The following TSHR variants were observed in gnomAD, a reference collection of about 807,000 sequenced individuals.
TSHR encodes the protein thyrotropin receptor.
Under a neutral mutation model 64.1 loss-of-function variants are expected in TSHR, and 51 were observed. The observed-to-expected ratio is 0.80, with a 90% CI of 0.64 to 1.01. TSHR has a LOEUF of 1.01. TSHR is among the 50% of genes least tolerant of loss of function. The pLI, the probability that TSHR is intolerant of heterozygous loss-of-function variation, is 0.00. For synonymous variants in TSHR, 361 were observed against 361.9 expected, an observed-to-expected ratio of 1.00 and a Z score of 0.03; for missense variants, 877 against 942.8, an observed-to-expected ratio of 0.93 and a Z score of 0.91.
At chr14:80,955,973 A>T in intron 1 of TSHR, 123 bp downstream of exon 1, 2 of 1,196,340 alleles carry the variant, frequency 1.7e-6, no homozygotes, top group Non-Finnish European at 2.4e-6. Flanking sequence ...TGTATGTGTG[A>T]GTGAATGTCT....
chr14:81,114,972 G>C (rs1890427249), intron 8 of TSHR, among the ~76,000 whole-genome samples: 6 of 151,808 alleles, frequency 4.0e-5, no homozygotes, highest in Admixed American at 3.3e-4. Flanking sequence ...TGAGGGTCCT[G>C]TCTGTTAGAA....
intron 1 of TSHR, among the ~76,000 whole-genome samples, chr14:81,061,054 G>A (rs558270241): frequency 6.6e-6 from 1 of 152,232 alleles, no homozygotes; most frequent in East Asian, 1.9e-4. Flanking sequence ...ATCCAACAAA[G>A]ATGTCTTAAG....
chr14:80,988,319 G>T lies in TSHR; in HGVS notation c.170+32469G>T, dbSNP rs1484136595. The stretch of plus-strand genomic sequence containing the variant: ...TGCTGGCATCTACTTGGCTTCTGGG[G>T]AAGCCTCAGGAAACTTACAATTATG... On this transcript the variant is annotated intron_variant, in intron 1 of 9. Transcript: ENST00000298171. Among the ~76,000 whole-genome samples the T allele has an allele frequency of 3.3e-5, 5 of 152,172 alleles. No homozygotes were observed. In the East Asian group the frequency reaches 9.6e-4, roughly 29 times the overall value.
chr14:81,048,680 A>G (rs752328695), intron 1 of TSHR, among the ~76,000 whole-genome samples: 1 of 152,230 alleles, frequency 6.6e-6, no homozygotes, highest in Non-Finnish European at 1.5e-5. Context: ...CATGATAATC[A>G]TACAATAAAC....
At position 81,140,577 on chromosome 14, in the gene TSHR, G is replaced by A. The variant is rs567691936; in HGVS notation, c.881+710G>A. 1.1e-4 allele frequency among the ~76,000 whole-genome samples: 17 copies of A among 152,254 alleles called. No individual in the cohort carries two copies. In the South Asian group the frequency reaches 1.2e-3, roughly 11 times the overall value. On this transcript the variant is annotated intron_variant, in intron 9 of 9. Coordinates refer to ENST00000298171, the MANE Select transcript of TSHR (RefSeq NM_000369.5). ...CACATCAGGCTGCTTATGAGCCTGC[G>A]AAGGAGGAATTGCCTTCATTTTCTC...
At chr14:81,039,618 G>A (rs1479439002) in intron 1 of TSHR, among the ~76,000 whole-genome samples, 1 of 151,692 alleles carries the variant, frequency 6.6e-6, no homozygotes, top group African/African-American at 2.4e-5. Context: ...AACAAATTTA[G>A]TAAAGTTGCA....
At chr14:80,974,613 A>G (rs1227107078) in intron 1 of TSHR, among the ~76,000 whole-genome samples, 3 of 152,218 alleles carry the variant, frequency 2.0e-5, no homozygotes, top group Non-Finnish European at 4.4e-5. Flanking sequence ...TGAAGCATGA[A>G]AGAATCTTTT....
At chr14:81,131,659 A>G (rs1434109749) in intron 8 of TSHR, among the ~76,000 whole-genome samples, 1 of 152,012 alleles carries the variant, frequency 6.6e-6, no homozygotes, top group African/African-American at 2.4e-5. Flanking sequence ...TTTGCTCCAG[A>G]TATCAGCTTG....
chr14:81,019,714 G>A (rs971035134), intron 1 of TSHR, among the ~76,000 whole-genome samples: 4 of 151,960 alleles, frequency 2.6e-5, no homozygotes, highest in African/African-American at 9.7e-5. Flanking sequence ...GCAGTGTTTG[G>A]TTTTCTGTTC....
At chr14:81,111,968 T>G (rs78302885) in intron 8 of TSHR, among the ~76,000 whole-genome samples, 1 of 152,196 alleles carries the variant, frequency 6.6e-6, no homozygotes, top group Non-Finnish European at 1.5e-5. Flanking sequence ...TCAATTAAAC[T>G]ACCTGCTTGT....
chr14:81,100,716 A>G (rs6574626), intron 7 of TSHR, among the ~76,000 whole-genome samples: 126,195 of 152,218 alleles, frequency 0.83, 52,552 homozygotes, highest in African/African-American at 0.89. Flanking sequence ...AAAGGATATT[A>G]CAAAGGAGCA....
chr14:81,031,931 G>A (rs1213809862), intron 1 of TSHR, among the ~76,000 whole-genome samples: 1 of 152,160 alleles, frequency 6.6e-6, no homozygotes, highest in Non-Finnish European at 1.5e-5. Context: ...GTATAAAACT[G>A]GAAGAGGCAA....
At chr14:80,983,783 T>C (rs368629681) in intron 1 of TSHR, 3 of 352,182 alleles carry the variant, frequency 8.5e-6, no homozygotes, top group East Asian at 8.3e-5. Context: ...TGACAAGCTC[T>C]AGGTTTGAGC....
At chr14:80,973,176 A>G (rs897880153) in intron 1 of TSHR, among the ~76,000 whole-genome samples, 1 of 151,818 alleles carries the variant, frequency 6.6e-6, no homozygotes, top group African/African-American at 2.4e-5. Flanking sequence ...GAGGCCGAGG[A>G]GGGCGGATCA....
intron 3 of TSHR, among the ~76,000 whole-genome samples, chr14:81,082,982 G>A (rs986241592): frequency 4.6e-5 from 7 of 152,050 alleles, no homozygotes; most frequent in Non-Finnish European, 5.9e-5. Context: ...TTGAATAATT[G>A]AGGTAGGAAG....
At chr14:81,023,315 A>C (rs1883871867) in intron 1 of TSHR, among the ~76,000 whole-genome samples, 1 of 151,910 alleles carries the variant, frequency 6.6e-6, no homozygotes, top group East Asian at 1.9e-4. Context: ...GGAAAGACCC[A>C]CCCCCATGAT....
At chr14:81,098,343 T>A (rs997623862) in intron 7 of TSHR, among the ~76,000 whole-genome samples, 4 of 152,230 alleles carry the variant, frequency 2.6e-5, no homozygotes, top group African/African-American at 9.6e-5. Flanking sequence ...TATCCCATTG[T>A]TTTTTAAATC....
intron 6 of TSHR, among the ~76,000 whole-genome samples, chr14:81,095,954 C>G (rs529019207): frequency 1.3e-5 from 2 of 150,780 alleles, no homozygotes; most frequent in Non-Finnish European, 1.5e-5. Context: ...GTGGGAGGAT[C>G]GCTTAAGCCC....
intron 8 of TSHR, chr14:81,108,662 G>T: frequency 1.2e-6 from 2 of 1,613,912 alleles, no homozygotes; most frequent in South Asian, 2.2e-5. Context: ...AAGGCCCCAC[G>T]CTCCAGTATG....
Sources: allele counts gnomAD v4.1 joint callset (sites outside exome capture counted in the v4.1 genomes callset), GRCh38; gene constraint gnomAD v4.1.1; transcripts MANE v1.5; gene names NCBI Gene and HGNC (gene_info 2026-07-23, HGNC 2026-07-21).